TBC1D9: variants seen among roughly 807,000 people sequenced by gnomAD.
TBC1D9 encodes TBC1 domain family member 9A.
TBC1D9 carries 63 observed loss-of-function variants against 132.0 expected under a neutral mutation model. The ratio of observed to expected loss-of-function variants is 0.48; its 90% CI spans 0.39 to 0.59. TBC1D9 has a LOEUF of 0.59. Ranked by LOEUF, TBC1D9 falls within the 20% of genes least tolerant of loss-of-function variation. The pLI is 0.00. For missense variants in TBC1D9, 1,261 were observed against 1,592.7 expected (o/e 0.79, Z 3.54); for synonymous variants, 610 against 609.9 (o/e 1.00, Z 0.00).
Position 140,683,763 on chromosome 4 carries a change from G to A in TBC1D9, c.360+2581C>T, listed in dbSNP as rs113653968. The stretch of plus-strand genomic sequence containing the variant: ...CAAAATGCTGAAAGCAAGCAATGCT[G>A]TAATCACACAGAGATTCTAACTGAC... On this transcript the variant is annotated intron_variant, in intron 3 of 20. Transcript: ENST00000442267. 4.3e-4 allele frequency among the ~76,000 whole-genome samples: 66 copies of A among 152,342 alleles called. 1 individual carries two copies. Among genetic ancestry groups the A allele is most frequent in the African/African-American group, 1.5e-3 (64 of 41,580 alleles).
intron 1 of TBC1D9, among the ~76,000 whole-genome samples, chr4:140,709,361 A>G (rs1024762462): frequency 1.3e-4 from 19 of 151,824 alleles, no homozygotes; most frequent in Non-Finnish European, 1.5e-4. Flanking sequence ...CAATTAGGAG[A>G]GTGCTTCTCA....
chr4:140,654,015 A>T (rs959968581), intron 13 of TBC1D9, among the ~76,000 whole-genome samples: 2 of 152,258 alleles, frequency 1.3e-5, no homozygotes, highest in Non-Finnish European at 2.9e-5. Flanking sequence ...TTGAGAAAAA[A>T]GCTGAGTTGC....
Position 140,643,246 on chromosome 4 carries a change from G to T in TBC1D9, c.2338-3818C>A, listed in dbSNP as rs556123936. On this transcript the variant is annotated intron_variant, in intron 13 of 20. Transcript: ENST00000442267. ...CCCACCTTCTTGCTCCTCCTCTCCA[G>T]CTCCAGCTCTGCGATCTCGCTCAGC... The T allele has an allele frequency of 2.3e-6, 3 of 1,317,954 alleles. No individual in the cohort carries two copies. In the East Asian group the frequency reaches 7.6e-5, roughly 33 times the overall value. The allele number at this position is 1,317,954 out of a possible 1,614,324, so 81.6% of individuals were successfully genotyped here.
chr4:140,686,375 T>C lies in TBC1D9; in HGVS notation c.329A>G (p.Asp110Gly), dbSNP rs763407342. 4 of 1,608,730 alleles carry C rather than the reference T, an allele frequency of 2.5e-6. No individual in the cohort carries two copies. Among genetic ancestry groups the C allele is most frequent in the South Asian group, 1.1e-5 (1 of 90,704 alleles). ...QTLSIFENEN[D>G]ITTFVRGKIQ... is the part of the protein sequence containing the mutation. ...TTTTCCTCTCACAAATGTGGTGATA[T>C]CATTCTCATTTTCAAAGATGGAGAG... The change falls in exon 3 of 21, where the codon GAT (aspartate) becomes GGT (glycine). Residue 110 changes from aspartate to glycine, a missense_variant. Transcript: ENST00000442267.
At chr4:140,628,457 A>C in intron 16 of TBC1D9, 92 bp from the exon 17 acceptor site, 1 of 1,158,756 alleles carries the variant, frequency 8.6e-7, no homozygotes, top group Middle Eastern at 1.9e-4. Flanking sequence ...CTTCATACAC[A>C]TTCCAACCAA....
Position 140,639,996 on chromosome 4 carries a change from T to C in TBC1D9, c.2338-568A>G, listed in dbSNP as rs79120745. ...TCTATCTGAAGGCAGAGAAAGAATT[T>C]GTAAGATTTTATATATCTTAGGGAT... On this transcript the variant is annotated intron_variant, in intron 13 of 20. Transcript: ENST00000442267. 8.0e-3 allele frequency among the ~76,000 whole-genome samples: 1,214 copies of C among 152,346 alleles called. 53 individuals carry two copies. The highest frequency in any genetic ancestry group is 0.065 in the Admixed American group (1,002 of 15,302).
At chr4:140,662,243 T>C (rs1025494393) in intron 9 of TBC1D9, 136 bp from the exon 10 acceptor site, 2 of 772,040 alleles carry the variant, frequency 2.6e-6, no homozygotes, top group African/African-American at 3.4e-5. Context: ...AAATCACAGA[T>C]GTGGTATGTT....
chr4:140,649,512 A>G (rs1737153094), intron 13 of TBC1D9, among the ~76,000 whole-genome samples: 1 of 152,172 alleles, frequency 6.6e-6, no homozygotes, highest in Non-Finnish European at 1.5e-5. Flanking sequence ...ACTGGGTGAG[A>G]GAGGGAAGAA....
In TBC1D9 at chr4:140,662,025, C is replaced by T. The variant is rs748711159; in HGVS notation, c.1671G>A (p.Thr557=). The part of the protein sequence containing the change: ...EKSMGKYNLA[T]EEIERDLHRS... Reference sequence around the variant, plus strand: ...GGTGTAAATCCCTCTCAATCTCCTCCGTGGCGAGATTATACTTCCCCATGG... The same window carrying T: ...GGTGTAAATCCCTCTCAATCTCCTCTGTGGCGAGATTATACTTCCCCATGG... Residue 557 remains threonine (T), a synonymous_variant, in exon 10 of 21, where the codon ACG becomes ACA. Transcript: ENST00000442267. 1.5e-5 allele frequency: 24 copies of T among 1,613,720 alleles called. No homozygotes were observed. Among genetic ancestry groups the T allele is most frequent in the East Asian group, 8.9e-5 (4 of 44,880 alleles).
At chr4:140,695,309 A>G (rs922393349) in intron 2 of TBC1D9, among the ~76,000 whole-genome samples, 2 of 152,210 alleles carry the variant, frequency 1.3e-5, no homozygotes, top group African/African-American at 4.8e-5. Context: ...AGGGGCAGGC[A>G]AGACGATAGC....
At position 140,676,257 on chromosome 4, in the gene TBC1D9, C is replaced by T. The variant is rs539116617; in HGVS notation, c.1059+637G>A. 4.6e-5 allele frequency among the ~76,000 whole-genome samples: 7 copies of T among 152,348 alleles called. No individual in the cohort carries two copies. In the East Asian group the frequency reaches 1.3e-3, roughly 29 times the overall value. On this transcript the variant is annotated intron_variant, in intron 6 of 20. Transcript: ENST00000442267. Reference sequence around the variant, plus strand: ...TGCTTCCACGTGTGGCCCAGCACATCGCGTGGCATGCCCTTGCCTTTCAGG... The same window carrying T: ...TGCTTCCACGTGTGGCCCAGCACATTGCGTGGCATGCCCTTGCCTTTCAGG...
rs1175677097 is a variant in TBC1D9 at position 140,634,068 on chromosome 4, C to A, written c.2626G>T (p.Ala876Ser). ...IDFEQFKGMFALLFPWACGTH... is the reference protein window; with the variant it reads ...IDFEQFKGMFSLLFPWACGTH... ...CCACATGCCCAAGGAAAGAGAAGAG[C>A]AAACATTCCCTTGAACTGCTCGAAG... The change falls in exon 16 of 21, where the codon GCT (alanine) becomes TCT (serine). Residue 876 changes from alanine (A) to serine (S), a missense_variant. By Grantham distance (99) the Ala-to-Ser change is moderately conservative (BLOSUM62 1). Around this residue, in one of 3 missense-constraint regions of TBC1D9, gnomAD observed 618 missense variants for 724.4 expected, o/e 0.85. Coordinates refer to ENST00000442267, the MANE Select transcript of TBC1D9 (RefSeq NM_015130.3). 1 of 1,614,004 alleles carries A rather than the reference C, an allele frequency of 6.2e-7. No individual in the cohort carries two copies. The highest frequency in any genetic ancestry group is 2.2e-5 in the East Asian group (1 of 44,892).
chr4:140,637,340 ACTCCGT>A (rs1320922422), intron 15 of TBC1D9, among the ~76,000 whole-genome samples: 2 of 147,630 alleles, frequency 1.4e-5, no homozygotes, highest in African/African-American at 5.1e-5. Context: ...ACAGAACGAG[ACTCCGT>A]CTCAAAGAAG....
intron 1 of TBC1D9, among the ~76,000 whole-genome samples, chr4:140,741,173 T>C (rs1217574515): frequency 6.6e-6 from 1 of 152,118 alleles, no homozygotes; most frequent in Non-Finnish European, 1.5e-5. Context: ...AACAGATTCT[T>C]TGTAGGAAGA....
intron 1 of TBC1D9, among the ~76,000 whole-genome samples, chr4:140,754,804 G>C (rs367560152): frequency 6.6e-6 from 1 of 151,994 alleles, no homozygotes; most frequent in African/African-American, 2.4e-5. Flanking sequence ...TTTTCTGGTA[G>C]AATCAAGATC....
intron 1 of TBC1D9, among the ~76,000 whole-genome samples, chr4:140,739,073 C>T (rs544443889): frequency 2.0e-5 from 3 of 151,722 alleles, no homozygotes; most frequent in South Asian, 2.1e-4. Context: ...AGTGCAATGG[C>T]GCAACCTCCA....
At chr4:140,644,868 G>A in intron 13 of TBC1D9, 2 of 431,462 alleles carry the variant, frequency 4.6e-6, no homozygotes, top group South Asian at 3.8e-5. Flanking sequence ...CCGACTGGGA[G>A]TCCCTGACAA....
Position 140,657,169 on chromosome 4 carries a change from G to A in TBC1D9, c.2265C>T (p.His755=). 6.2e-7 allele frequency: 1 copy of A among 1,613,946 alleles called. No individual in the cohort carries two copies. Among genetic ancestry groups the A allele is most frequent in the Non-Finnish European group, 8.5e-7 (1 of 1,179,838 alleles). Residue 755 remains histidine, a synonymous_variant, in exon 13 of 21, where the codon CAC becomes CAT. Coordinates refer to ENST00000442267, the MANE Select transcript of TBC1D9 (RefSeq NM_015130.3). ...GTTCCACATCATCGCTGAGCAAGGA[G>A]TGGAGGTGAGGAATGGGAGGCAGTG... ...DSTLPPIPHL[H]SLLSDDVEPY... is the part of the protein sequence containing the mutation.
intron 1 of TBC1D9, among the ~76,000 whole-genome samples, chr4:140,718,990 C>A (rs1257318836): frequency 1.3e-5 from 2 of 151,868 alleles, no homozygotes; most frequent in African/African-American, 4.8e-5. Context: ...GTGGTGGGTG[C>A]CTGTAATTCC....
Sources: gnomAD v4.1 joint callset for allele counts (sites outside exome capture counted in the v4.1 genomes callset) on GRCh38, gnomAD v4.1.1 for gene constraint, gnomAD v4.1.1 regional missense constraint, MANE v1.5 for transcripts, NCBI Gene and HGNC (gene_info 2026-07-23, HGNC 2026-07-21) for gene names.